Variants in ARL15 observed in about 807,000 individuals in gnomAD.
ARL15 encodes the protein ARF like GTPase 15.
A neutral mutation model predicts 25.2 loss-of-function variants in ARL15; 19 were observed. The ratio of observed to expected loss-of-function variants is 0.75; its 90% CI spans 0.53 to 1.10. The LOEUF is 1.10. Ranked by LOEUF, ARL15 falls within the 50% of genes least tolerant of loss-of-function variation. ARL15 has a pLI of 0.00. For missense variants in ARL15, 220 were observed against 246.0 expected (o/e 0.89, Z 0.71); for synonymous variants, 94 against 86.8 (o/e 1.08, Z -0.46).
intron 4 of ARL15, among the ~76,000 whole-genome samples, chr5:54,049,201 T>C (rs1750630697): frequency 6.6e-6 from 1 of 152,136 alleles, no homozygotes; most frequent in Non-Finnish European, 1.5e-5. Flanking sequence ...GATATGGACA[T>C]AGAGAAGCAA....
At chr5:54,033,712 T>C (rs1022971372) in intron 4 of ARL15, among the ~76,000 whole-genome samples, 2 of 152,076 alleles carry the variant, frequency 1.3e-5, no homozygotes, top group African/African-American at 4.8e-5. Flanking sequence ...TAAAATCTTT[T>C]AGAGTTGTTG....
At chr5:54,152,388 C>T (rs775215175) in intron 3 of ARL15, among the ~76,000 whole-genome samples, 14 of 152,086 alleles carry the variant, frequency 9.2e-5, no homozygotes, top group Non-Finnish European at 1.6e-4. Context: ...TGAGACATAA[C>T]CTAGTACCTA....
chr5:54,264,050 G>C (rs1757563028), intron 1 of ARL15, among the ~76,000 whole-genome samples: 2 of 151,986 alleles, frequency 1.3e-5, no homozygotes, highest in South Asian at 4.1e-4. Flanking sequence ...TCTTGACTCT[G>C]TCTCCACCTT....
chr5:53,951,655 G>A (rs576315838), intron 4 of ARL15: 17 of 404,194 alleles, frequency 4.2e-5, no homozygotes, highest in Admixed American at 2.1e-4. Flanking sequence ...ATATATTTTC[G>A]ATATGATGAC....
intron 4 of ARL15, among the ~76,000 whole-genome samples, chr5:53,932,383 G>A (rs973744879): frequency 2.0e-5 from 3 of 152,170 alleles, no homozygotes; most frequent in South Asian, 2.1e-4. Flanking sequence ...CCCTAGCCCT[G>A]CCAACAGCTC....
At chr5:54,064,400 G>C (rs1009824304) in intron 4 of ARL15, among the ~76,000 whole-genome samples, 3 of 152,206 alleles carry the variant, frequency 2.0e-5, no homozygotes, top group Admixed American at 6.5e-5. Flanking sequence ...TAGTAGGGCA[G>C]CTAAAGAAGA....
At chr5:54,146,425 A>T (rs1338203450) in intron 3 of ARL15, among the ~76,000 whole-genome samples, 2 of 152,172 alleles carry the variant, frequency 1.3e-5, no homozygotes, top group South Asian at 2.1e-4. Context: ...AAAAAAAAAT[A>T]AGTAGCCTTG....
intron 4 of ARL15, among the ~76,000 whole-genome samples, chr5:54,098,729 T>A (rs1752356300): frequency 6.6e-6 from 1 of 152,180 alleles, no homozygotes; most frequent in Non-Finnish European, 1.5e-5. Context: ...TTTAACTAAG[T>A]AATTTGTTTT....
intron 4 of ARL15, among the ~76,000 whole-genome samples, chr5:53,998,769 A>G (rs1408535683): frequency 6.6e-6 from 1 of 152,208 alleles, no homozygotes; most frequent in Non-Finnish European, 1.5e-5. Context: ...CAGCAGTTAC[A>G]AAATGAAAAG....
chr5:54,115,302 T>G (rs1285191749), intron 3 of ARL15, among the ~76,000 whole-genome samples: 1 of 152,100 alleles, frequency 6.6e-6, no homozygotes, highest in African/African-American at 2.4e-5. Context: ...TCATCCAAAG[T>G]GGGGCAATTC....
chr5:53,966,530 T>C (rs1387806581), intron 4 of ARL15, among the ~76,000 whole-genome samples: 1 of 152,174 alleles, frequency 6.6e-6, no homozygotes, highest in Non-Finnish European at 1.5e-5. Context: ...GACCTGGACT[T>C]GCAACTGGTG....
In ARL15 at chr5:54,265,813, C is replaced by A. The variant is rs577804675; in HGVS notation, c.48+44619G>T. 2.0e-5 allele frequency among the ~76,000 whole-genome samples: 3 copies of A among 152,256 alleles called. No homozygotes were observed. The South Asian group carries it at 6.2e-4, about 32-fold the overall frequency. ...CCTTAACACATTTTATAAAACACTA[C>A]AAACTGACTTTGTGTATGAGTTTTA... On this transcript the variant is annotated intron_variant, in intron 1 of 4. Transcript: ENST00000504924.
intron 1 of ARL15, among the ~76,000 whole-genome samples, chr5:54,188,591 T>C (rs1268106615): frequency 1.3e-5 from 2 of 152,120 alleles, no homozygotes; most frequent in African/African-American, 4.8e-5. Context: ...CAACAGAGTA[T>C]ATAAAATGTA....
intron 1 of ARL15, among the ~76,000 whole-genome samples, chr5:54,305,534 C>T (rs1758734938): frequency 6.6e-6 from 1 of 152,092 alleles, no homozygotes; most frequent in Non-Finnish European, 1.5e-5. Context: ...GGATATATTC[C>T]AAGTCCCAGT....
At chr5:54,278,793 C>G (rs1320787867) in intron 1 of ARL15, among the ~76,000 whole-genome samples, 2 of 152,198 alleles carry the variant, frequency 1.3e-5, no homozygotes, top group Non-Finnish European at 2.9e-5. Context: ...GGAGAAAGGT[C>G]TGTCTACTCC....
chr5:54,088,619 A>C (rs1225845944), intron 4 of ARL15, among the ~76,000 whole-genome samples: 1 of 152,206 alleles, frequency 6.6e-6, no homozygotes, highest in Non-Finnish European at 1.5e-5. Flanking sequence ...TTTGTGTCCA[A>C]GGACAACACT....
At chr5:53,940,531 T>C (rs1247025734) in intron 4 of ARL15, among the ~76,000 whole-genome samples, 1 of 152,202 alleles carries the variant, frequency 6.6e-6, no homozygotes, top group Non-Finnish European at 1.5e-5. Context: ...TTCCTCAATA[T>C]AACATGGAAT....
chr5:53,963,649 A>G (rs1401968035), intron 4 of ARL15, among the ~76,000 whole-genome samples: 3 of 152,064 alleles, frequency 2.0e-5, no homozygotes, highest in Non-Finnish European at 4.4e-5. Context: ...CTCTACTAAA[A>G]ATACAAAAAT....
At chr5:54,097,287 A>C (rs1752316510) in intron 4 of ARL15, among the ~76,000 whole-genome samples, 1 of 116,304 alleles carries the variant, frequency 8.6e-6, no homozygotes. Context: ...ACTGCACTAC[A>C]GCCTGGTGAC....
Sources: gnomAD v4.1 joint callset for allele counts (sites outside exome capture counted in the v4.1 genomes callset) on GRCh38, gnomAD v4.1.1 for gene constraint, MANE v1.5 for transcripts, NCBI Gene and HGNC (gene_info 2026-07-23, HGNC 2026-07-21) for gene names.